The following RMND1 variants were observed in gnomAD, a reference collection of about 807,000 sequenced individuals.
RMND1 encodes required for meiotic nuclear division 1 homolog.
A neutral mutation model predicts 54.0 loss-of-function variants in RMND1; 41 were observed. The ratio of observed to expected loss-of-function variants is 0.76; its 90% confidence interval spans 0.59 to 0.98. The LOEUF is 0.98. RMND1 is among the 50% of genes least tolerant of loss of function. The pLI is 0.00. For missense variants in RMND1, 457 were observed against 532.0 expected (o/e 0.86, Z 1.39); for synonymous variants, 183 against 181.7 (o/e 1.01, Z -0.06).
At chr6:151,417,158 G>A (rs574334705) in intron 10 of RMND1, 121 bp downstream of exon 10, 2 of 1,118,516 alleles carry the variant, frequency 1.8e-6, no homozygotes, top group African/African-American at 1.6e-5. Context: ...GGACAAGAAG[G>A]GGAAATATAA....
rs187704113 is a variant in RMND1 at position 151,429,366 on chromosome 6, C to T, written c.729+772G>A. Reference sequence around the variant, plus strand: ...GAACTCCTGGCCTCAAGATACCTGCCGGCCTTGGTCTCCCAAAGTGCTGGG... The same window carrying T: ...GAACTCCTGGCCTCAAGATACCTGCTGGCCTTGGTCTCCCAAAGTGCTGGG... On this transcript the variant is annotated intron_variant, in intron 5 of 11. Coordinates refer to ENST00000444024, the MANE Select transcript of RMND1 (RefSeq NM_017909.4). 4.8e-4 allele frequency among the ~76,000 whole-genome samples: 73 copies of T among 152,238 alleles called. 1 individual carries two copies. Among genetic ancestry groups the T allele is most frequent in the African/African-American group, 1.4e-3 (60 of 41,544 alleles).
In RMND1 at chr6:151,421,809, A is replaced by G. The variant is rs546832599; in HGVS notation, c.1003-488T>C. On this transcript the variant is annotated intron_variant, in intron 8 of 11. Transcript: ENST00000444024. The stretch of plus-strand genomic sequence containing the variant: ...AACATTTCACTTTTTTCTTTAATTC[A>G]GTTACATTAAAAATACTGCAACTGA... Among the ~76,000 whole-genome samples the G allele has an allele frequency of 8.5e-5, 13 of 152,224 alleles. No individual in the cohort carries two copies. In the East Asian group the frequency reaches 1.7e-3, roughly 20 times the overall value.
intron 7 of RMND1, among the ~76,000 whole-genome samples, chr6:151,422,928 G>A (rs192381424): frequency 6.6e-6 from 1 of 152,108 alleles, no homozygotes; most frequent in South Asian, 2.1e-4. Flanking sequence ...GATAGGGCGC[G>A]ACTAAGACTT....
chr6:151,441,469 C>G (rs961101761), intron 2 of RMND1, among the ~76,000 whole-genome samples: 1 of 152,100 alleles, frequency 6.6e-6, no homozygotes, highest in Non-Finnish European at 1.5e-5. Context: ...AATGAGGTGA[C>G]TCTCAGTGGG....
chr6:151,433,936 G>A (rs1780520189), intron 3 of RMND1, among the ~76,000 whole-genome samples: 1 of 111,634 alleles, frequency 9.0e-6, no homozygotes, highest in Admixed American at 8.6e-5. Flanking sequence ...CTGAACTCAA[G>A]GGACCCCCCC....
At chr6:151,437,760 C>T (rs986142707) in intron 2 of RMND1, among the ~76,000 whole-genome samples, 6 of 152,188 alleles carry the variant, frequency 3.9e-5, no homozygotes, top group Admixed American at 1.3e-4. Flanking sequence ...TTCTGTATCT[C>T]CTGGCTCTTT....
intron 2 of RMND1, among the ~76,000 whole-genome samples, chr6:151,437,103 C>G (rs1418228965): frequency 6.6e-6 from 1 of 152,216 alleles, no homozygotes; most frequent in African/African-American, 2.4e-5. Context: ...TACTTTGTCT[C>G]ATGCCCCATC....
intron 6 of RMND1, 56 bp downstream of exon 6, chr6:151,427,426 C>G: frequency 9.5e-7 from 1 of 1,056,838 alleles, no homozygotes; most frequent in Non-Finnish European, 1.4e-6. Flanking sequence ...TCCTCTATTG[C>G]TTTACCTAAT....
intron 5 of RMND1, among the ~76,000 whole-genome samples, chr6:151,428,600 T>C (rs1028239407): frequency 2.6e-5 from 4 of 152,218 alleles, no homozygotes; most frequent in Non-Finnish European, 5.9e-5. Context: ...GATGCAATCA[T>C]AGCTCATTGC....
At chr6:151,450,261 G>A (rs1456714161) in intron 1 of RMND1, among the ~76,000 whole-genome samples, 10 of 150,868 alleles carry the variant, frequency 6.6e-5, no homozygotes, top group Non-Finnish European at 1.3e-4. Flanking sequence ...CTGCCCCGCC[G>A]CCCCGTCTGG....
At chr6:151,406,963 C>G (rs1189983985) in intron 10 of RMND1, among the ~76,000 whole-genome samples, 1 of 151,938 alleles carries the variant, frequency 6.6e-6, no homozygotes, top group Admixed American at 6.6e-5. Flanking sequence ...AGTTGGAGAC[C>G]AGCCTGGGCA....
rs572650586 is a variant in RMND1, at chr6:151,405,966, TCA to T, written c.1201-132_1201-131del. 1,486 of 507,584 alleles carry T rather than the reference TCA, an allele frequency of 2.9e-3. 1 individual carries two copies. Among genetic ancestry groups the T allele is most frequent in the Non-Finnish European group, 3.3e-3 (940 of 285,512 alleles). 31.4% of individuals were successfully genotyped at this position (507,584 alleles called of 1,614,324 possible). ...TCCCCAAAGGCAGCCACCAACATTA[TCA>T]GTTTCTTGTGAATCCGTCCAGAGAC... On this transcript the variant is annotated intron_variant, in intron 10 of 11. Transcript: ENST00000444024.
intron 2 of RMND1, among the ~76,000 whole-genome samples, chr6:151,441,362 T>A (rs1276120649): frequency 1.3e-5 from 2 of 151,882 alleles, no homozygotes; most frequent in Non-Finnish European, 2.9e-5. Context: ...ACAGGGGCAT[T>A]TTTGGTTGTA....
Position 151,436,501 on chromosome 6 carries a change from A to T in RMND1, c.558T>A (p.Asn186Lys), listed in dbSNP as rs1780618975. The change falls in exon 3 of 12, where the codon AAT (asparagine) becomes AAA (lysine). Residue 186 changes from asparagine (N) to lysine (K), a missense_variant. Physicochemically the swap from Asn to Lys is moderately conservative, Grantham distance 94. Transcript: ENST00000444024. ...FATADEYHLG[N>K]LSQDLASHGY... Reference sequence around the variant, plus strand: ...CGTGGGAGGCCAGATCTTGAGACAGATTTCCCAGATGATACTCATCTGCCG... The same window carrying T: ...CGTGGGAGGCCAGATCTTGAGACAGTTTTCCCAGATGATACTCATCTGCCG... 6.2e-7 allele frequency: 1 copy of T among 1,613,920 alleles called. No individual in the cohort carries two copies. Among genetic ancestry groups the T allele is most frequent in the African/African-American group, 1.3e-5 (1 of 74,916 alleles).
chr6:151,445,205 T>C, intron 2 of RMND1, 103 bp downstream of exon 2: 3 of 1,195,456 alleles, frequency 2.5e-6, no homozygotes, highest in Non-Finnish European at 3.5e-6. Flanking sequence ...TCTGAGTGAC[T>C]GCTAGTTCTC....
Position 151,423,642 on chromosome 6 carries a change from C to G in RMND1, c.831-11G>C. On this transcript the variant is annotated splice_polypyrimidine_tract_variant and intron_variant, in intron 6 of 11. Coordinates refer to ENST00000444024, the MANE Select transcript of RMND1 (RefSeq NM_017909.4). ...AGTTTTGACTGTCCCCTGTGAAAAG[C>G]AAAAAGATAATACCTTCTAAATCTT... The G allele has an allele frequency of 1.3e-6, 2 of 1,546,466 alleles. No homozygotes were observed. Among genetic ancestry groups the G allele is most frequent in the South Asian group, 1.1e-5 (1 of 89,404 alleles).
intron 10 of RMND1, among the ~76,000 whole-genome samples, chr6:151,406,979 G>C (rs1489052818): frequency 2.0e-5 from 3 of 152,020 alleles, no homozygotes; most frequent in Non-Finnish European, 4.4e-5. Flanking sequence ...GGGCAACACA[G>C]TGAAACCCTG....
intron 5 of RMND1, among the ~76,000 whole-genome samples, chr6:151,429,867 CA>C (rs757796176): frequency 9.9e-5 from 15 of 152,148 alleles, no homozygotes; most frequent in Non-Finnish European, 1.9e-4. Context: ...GTACAACATG[CA>C]AAGTCTACAG....
At chr6:151,411,927 T>C (rs1290397679) in intron 10 of RMND1, 1 of 152,186 alleles carries the variant, frequency 6.6e-6, no homozygotes, top group Non-Finnish European at 1.5e-5. Context: ...GGTAGGCAGA[T>C]TTCTAAGATG....
Sources: gnomAD v4.1 joint callset for allele counts (sites outside exome capture counted in the v4.1 genomes callset) on GRCh38, gnomAD v4.1.1 for gene constraint, MANE v1.5 for transcripts, NCBI Gene and HGNC (gene_info 2026-07-23, HGNC 2026-07-21) for gene names.